Variants in BLK observed in about 807,000 individuals in gnomAD.
The protein encoded by BLK is tyrosine-protein kinase Blk.
In BLK, 64 loss-of-function variants were observed where a neutral mutation model predicts 61.8. That is an observed-to-expected ratio of 1.03 (90% CI 0.85 to 1.27). The LOEUF (loss-of-function observed/expected upper bound fraction) is 1.27, where lower values mean the gene tolerates loss of function less well. Ranked by LOEUF, BLK falls within the 50% of genes most tolerant of loss-of-function variation. The probability of loss-of-function intolerance (pLI) is 0.00; values close to 1 mark genes in which losing one functional copy is unlikely to be tolerated. For missense variants in BLK, 853 were observed against 660.5 expected (o/e 1.29, Z -3.19); for synonymous variants, 351 against 272.0 (o/e 1.29, Z -2.86).
chr8:11,508,406 C>T (rs575478467), intron 1 of BLK, among the ~76,000 whole-genome samples: 12 of 152,328 alleles, frequency 7.9e-5, no homozygotes, highest in East Asian at 5.8e-4. Context: ...AGCTTTCCTC[C>T]GCTAGGGGGC....
At chr8:11,542,200 GA>G (rs773317635) in intron 1 of BLK, among the ~76,000 whole-genome samples, 2 of 151,736 alleles carry the variant, frequency 1.3e-5, no homozygotes, top group Non-Finnish European at 2.9e-5. Context: ...CACTAAAAGA[GA>G]AAAAAAATGC....
At chr8:11,502,450 C>T (rs1260253217) in intron 1 of BLK, among the ~76,000 whole-genome samples, 1 of 152,024 alleles carries the variant, frequency 6.6e-6, no homozygotes, top group African/African-American at 2.4e-5. Context: ...ATTACAGGCA[C>T]CCGCCACCAT....
intron 1 of BLK, among the ~76,000 whole-genome samples, chr8:11,522,741 G>GAA (rs145632857): frequency 6.8e-6 from 1 of 147,158 alleles, no homozygotes; most frequent in Non-Finnish European, 1.5e-5. Flanking sequence ...ACATATTTCT[G>GAA]AAAAAAAAAG....
intron 1 of BLK, among the ~76,000 whole-genome samples, chr8:11,536,726 A>AT (rs1273862339): frequency 6.6e-6 from 1 of 152,176 alleles, no homozygotes; most frequent in Non-Finnish European, 1.5e-5. Context: ...ACTTTAGTAT[A>AT]TTTTGGAAGG....
chr8:11,503,832 C>A (rs987383264), intron 1 of BLK, among the ~76,000 whole-genome samples: 39 of 152,128 alleles, frequency 2.6e-4, no homozygotes, highest in African/African-American at 8.9e-4. Flanking sequence ...GGGCCATCTT[C>A]CACCCTCCCC....
chr8:11,559,537 G>A (rs958504462), intron 10 of BLK, among the ~76,000 whole-genome samples: 4 of 151,434 alleles, frequency 2.6e-5, no homozygotes, highest in Admixed American at 6.6e-5. Flanking sequence ...ACACAAACAC[G>A]CAAACTTACA....
At position 11,549,140 on chromosome 8, in the gene BLK, C is replaced by T. The variant is rs781198290; in HGVS notation, c.368+18C>T. ...ATGGAAAGGTAGGTGGGCACGGGAA[C>T]CCCCCTCGAGCCAAGATGCAGTCAC... On this transcript the variant is annotated intron_variant, in intron 5 of 12. Transcript: ENST00000259089. 3.8e-6 allele frequency: 6 copies of T among 1,575,334 alleles called. No individual in the cohort carries two copies. Among genetic ancestry groups the T allele is most frequent in the Non-Finnish European group, 5.2e-6 (6 of 1,158,090 alleles).
intron 1 of BLK, among the ~76,000 whole-genome samples, chr8:11,527,176 TC>T (rs1471420570): frequency 1.3e-5 from 2 of 151,668 alleles, no homozygotes; most frequent in Non-Finnish European, 2.9e-5. Flanking sequence ...CTTACAAAAC[TC>T]AACACACCAA....
chr8:11,515,865 C>T (rs1799204343), intron 1 of BLK, among the ~76,000 whole-genome samples: 1 of 152,188 alleles, frequency 6.6e-6, no homozygotes, highest in Admixed American at 6.5e-5. Context: ...AAGTGGGCTC[C>T]TGCTGGCATT....
In BLK at chr8:11,561,308, G is replaced by A. The variant is rs1369668194; in HGVS notation, c.1036G>A (p.Glu346Lys). 6.2e-7 allele frequency: 1 copy of A among 1,613,420 alleles called. No individual in the cohort carries two copies. Among genetic ancestry groups the A allele is most frequent in the East Asian group, 2.2e-5 (1 of 44,850 alleles). Residue 346 changes from glutamate (E) to lysine (K), a missense_variant, in exon 11 of 13, where the codon GAA becomes AAA. Glu to Lys is a moderately conservative substitution (Grantham distance 56). Transcript: ENST00000259089. ...CATGTGCCTGTTCCCTCAGATTGCT[G>A]AAGGGATGGCATACATTGAGCGCAT... ...RLIDMSAQIA[E>K]GMAYIERMNS...
intron 1 of BLK, among the ~76,000 whole-genome samples, chr8:11,498,360 C>A (rs910320910): frequency 6.6e-6 from 1 of 152,200 alleles, no homozygotes; most frequent in South Asian, 2.1e-4. Flanking sequence ...TGATGAGTTT[C>A]CTGGTGCTCT....
chr8:11,513,275 G>A (rs191754327), intron 1 of BLK, among the ~76,000 whole-genome samples: 5 of 152,292 alleles, frequency 3.3e-5, no homozygotes, highest in African/African-American at 1.2e-4. Flanking sequence ...TAGGAAGGGG[G>A]AGATGGAAAA....
At chr8:11,521,778 G>A (rs970185980) in intron 1 of BLK, among the ~76,000 whole-genome samples, 6 of 152,116 alleles carry the variant, frequency 3.9e-5, no homozygotes. Flanking sequence ...TTCACTTCCT[G>A]TTCTATTTTT....
intron 11 of BLK, 137 bp downstream of exon 11, chr8:11,561,589 G>C: frequency 1.7e-6 from 2 of 1,202,320 alleles, no homozygotes; most frequent in Non-Finnish European, 2.4e-6. Context: ...CTCTAGATCA[G>C]CATTTCCTTC....
In BLK at chr8:11,564,046, C is replaced by G. The variant is rs761100058; in HGVS notation, c.1456C>G (p.Leu486Val). The G allele has an allele frequency of 6.2e-7, 1 of 1,603,410 alleles. No homozygotes were observed. Among genetic ancestry groups the G allele is most frequent in the South Asian group, 1.1e-5 (1 of 90,580 alleles). The stretch of plus-strand genomic sequence containing the variant: ...CGAGGAGCGGCCCACCTTCGAGTTC[C>G]TGCAGTCGGTGCTGGAGGACTTCTA... Reference protein sequence around the residue: ...RPEERPTFEFLQSVLEDFYTA... With the variant: ...RPEERPTFEFVQSVLEDFYTA... The change falls in exon 13 of 13, where the codon CTG becomes GTG. Residue 486 changes from leucine (L) to valine (V), a missense_variant. Physicochemically the swap from Leu to Val is conservative, Grantham distance 32 (BLOSUM62 1). Transcript: ENST00000259089.
At chr8:11,562,355 C>G (rs1801534087) in intron 11 of BLK, among the ~76,000 whole-genome samples, 1 of 152,138 alleles carries the variant, frequency 6.6e-6, no homozygotes, top group Non-Finnish European at 1.5e-5. Flanking sequence ...AGTCAGATGA[C>G]AAGCAGACAG....
intron 8 of BLK, chr8:11,555,744 G>A (rs549762171): frequency 5.3e-6 from 3 of 562,566 alleles, no homozygotes; most frequent in Admixed American, 2.7e-5. Context: ...TCCCTCCTTC[G>A]TTCTCTGCCT....
At chr8:11,543,438 C>T in intron 2 of BLK, 91 bp downstream of exon 2, 1 of 1,534,898 alleles carries the variant, frequency 6.5e-7, no homozygotes, top group South Asian at 1.2e-5. Context: ...AGCAAAAGTG[C>T]CTTCCTGATA....
intron 1 of BLK, among the ~76,000 whole-genome samples, chr8:11,515,273 C>T (rs920232118): frequency 6.6e-6 from 1 of 152,148 alleles, no homozygotes; most frequent in South Asian, 2.1e-4. Context: ...GTGCCACTCC[C>T]GGCTGAGGGA....
Sources: allele counts gnomAD v4.1 joint callset (sites outside exome capture counted in the v4.1 genomes callset), GRCh38; gene constraint gnomAD v4.1.1; transcripts MANE v1.5; gene names NCBI Gene and HGNC (gene_info 2026-07-23, HGNC 2026-07-21).